The following PACS2 variants were observed in gnomAD, a reference collection of about 807,000 sequenced individuals.
PACS2 encodes the protein phosphofurin acidic cluster sorting protein 2.
In PACS2, 36 loss-of-function variants were observed where a neutral mutation model predicts 113.0. That is an observed-to-expected ratio of 0.32 (90% CI 0.24 to 0.42). The LOEUF (loss-of-function observed/expected upper bound fraction) is 0.42. PACS2 is among the 10% of genes least tolerant of loss of function. The pLI is 1.00. For synonymous variants in PACS2, 589 were observed against 536.1 expected, an observed-to-expected ratio of 1.10 and a Z score of -1.36; for missense variants, 1,015 against 1,239.5, an observed-to-expected ratio of 0.82 and a Z score of 2.72.
In PACS2 at chr14:105,366,343, G is replaced by A. The variant is rs587756012; in HGVS notation, c.424-870G>A. Among the ~76,000 whole-genome samples the A allele has an allele frequency of 1.7e-4, 26 of 152,268 alleles. No homozygotes were observed. The highest frequency in any genetic ancestry group is 5.3e-4 in the African/African-American group (22 of 41,564). ...AGCCTGGGCCACAGAATGAGACTCCGTCTCAAAAAAGTAATAAATAAATAA... is the reference window on the plus strand; with the variant it reads ...AGCCTGGGCCACAGAATGAGACTCCATCTCAAAAAAGTAATAAATAAATAA... On this transcript the variant is annotated intron_variant, in intron 4 of 24. Transcript: ENST00000447393. The surrounding 1 kb of genome is among the most constrained non-coding windows in gnomAD (Gnocchi z 4.3).
intron 13 of PACS2, 42 bp from the exon 14 acceptor site, chr14:105,382,435 T>C: frequency 8.4e-7 from 1 of 1,190,130 alleles, no homozygotes; most frequent in South Asian, 1.2e-5. Flanking sequence ...GGATGGGCGC[T>C]GTGCTTCTCT....
At chr14:105,351,748 G>A (rs1555404013) in intron 2 of PACS2, among the ~76,000 whole-genome samples, 1 of 152,226 alleles carries the variant, frequency 6.6e-6, no homozygotes, top group African/African-American at 2.4e-5. Flanking sequence ...GGGAGGCTGA[G>A]GCTGGAGGAT....
rs2081426252 is a variant in PACS2 at position 105,393,355 on chromosome 14, G to A, written c.2596+20G>A. ...TGCGGGGTGAGCACCACCGGCCCCG[G>A]GGTCTGTAGAGTGGGACGTAGGTGA... On this transcript the variant is annotated intron_variant, in intron 24 of 24. Coordinates refer to ENST00000447393, the MANE Select transcript of PACS2 (RefSeq NM_001100913.3). 6.4e-7 allele frequency: 1 copy of A among 1,563,428 alleles called. No homozygotes were observed. The highest frequency in any genetic ancestry group is 1.7e-5 in the Admixed American group (1 of 59,216).
rs989025926 is a variant in PACS2 at position 105,324,939 on chromosome 14, G to A, written c.119+9902G>A. ...CAAGGGAAGACACTGGGGAAGGGGT[G>A]GGTCTGCCCTTCCTGCTGGGGGTGC... is the stretch of plus-strand genomic sequence containing the variant. On this transcript the variant is annotated intron_variant, in intron 1 of 24. Transcript: ENST00000447393. This position sits in a 1 kb window ranked among gnomAD's most constrained non-coding sequence, Gnocchi z 4.7. Among the ~76,000 whole-genome samples, 1 of 152,104 alleles carries A rather than the reference G, an allele frequency of 6.6e-6. No homozygotes were observed. The highest frequency in any genetic ancestry group is 1.5e-5 in the Non-Finnish European group (1 of 68,002).
At chr14:105,389,846 C>G (rs1595181405) in intron 19 of PACS2, 115 bp from the exon 20 acceptor site, 1 of 928,466 alleles carries the variant, frequency 1.1e-6, no homozygotes, top group East Asian at 2.4e-5. Flanking sequence ...GCAGGGCCAT[C>G]CGGCAGGGCC....
At chr14:105,353,935 G>A (rs1384522206) in intron 3 of PACS2, among the ~76,000 whole-genome samples, 2 of 151,930 alleles carry the variant, frequency 1.3e-5, no homozygotes, top group African/African-American at 4.8e-5. Context: ...TATAAGGCCG[G>A]GTGTGGTGGC....
intron 4 of PACS2, among the ~76,000 whole-genome samples, chr14:105,361,970 C>A (rs181079974): frequency 4.0e-5 from 6 of 150,292 alleles, no homozygotes; most frequent in African/African-American, 1.5e-4. Flanking sequence ...ACAAAAAAAA[C>A]GAATTAGTGG....
At chr14:105,327,786 C>T (rs1041694014) in intron 1 of PACS2, among the ~76,000 whole-genome samples, 21 of 152,144 alleles carry the variant, frequency 1.4e-4, no homozygotes, top group African/African-American at 4.6e-4. Context: ...CATTGACAGC[C>T]GAGCCTTGAC....
At chr14:105,382,642 T>C in intron 14 of PACS2, 61 bp downstream of exon 14, 1 of 1,139,518 alleles carries the variant, frequency 8.8e-7, no homozygotes, top group South Asian at 1.2e-5. Flanking sequence ...AGTGGGTTCC[T>C]GAAGCTGCCC....
intron 5 of PACS2, 109 bp downstream of exon 5, chr14:105,367,484 G>A: frequency 1.8e-6 from 2 of 1,099,398 alleles, no homozygotes; most frequent in Admixed American, 1.8e-5. Context: ...GGAGTTGGGG[G>A]TCCGGAGCAC....
intron 5 of PACS2, 122 bp downstream of exon 5, chr14:105,367,497 G>A (rs2060980327): frequency 2.1e-6 from 2 of 943,188 alleles, no homozygotes; most frequent in Non-Finnish European, 3.3e-6. Flanking sequence ...CGGAGCACGT[G>A]TCAGTTGCTC....
At chr14:105,393,176 C>G (rs1555415463) in intron 23 of PACS2, 46 bp from the exon 24 acceptor site, 1 of 1,482,448 alleles carries the variant, frequency 6.7e-7, no homozygotes, top group Non-Finnish European at 9.4e-7. Flanking sequence ...GGCCCCAGCC[C>G]CGAAGGAGCA....
At chr14:105,334,168 T>G (rs767326728) in intron 1 of PACS2, among the ~76,000 whole-genome samples, 9 of 152,192 alleles carry the variant, frequency 5.9e-5, no homozygotes, top group Non-Finnish European at 2.9e-5. Context: ...AGCTGCATCC[T>G]CCTGCGTTGG....
intron 8 of PACS2, 26 bp downstream of exon 8, chr14:105,369,926 C>A (rs150534967): frequency 4.4e-6 from 7 of 1,583,418 alleles, no homozygotes; most frequent in Non-Finnish European, 6.0e-6. Context: ...CTTCTGCTCG[C>A]GGCCCCCACG....
At chr14:105,353,553 T>C (rs1473225738) in intron 3 of PACS2, among the ~76,000 whole-genome samples, 1 of 152,220 alleles carries the variant, frequency 6.6e-6, no homozygotes, top group East Asian at 1.9e-4. Flanking sequence ...GATTAGAAGA[T>C]TTGTATTTGT....
chr14:105,339,560 GTGGCTCATGCCTGCAATCCTAGCA>G (rs2059649051), intron 1 of PACS2, among the ~76,000 whole-genome samples: 1 of 151,718 alleles, frequency 6.6e-6, no homozygotes, highest in Admixed American at 6.6e-5. Flanking sequence ...GCCAGGTGTG[GTGGCTCATGCCTGCAATCCTAGCA>G]CTTTGGGAGG....
At chr14:105,301,313 C>A (rs587596981) in intron 1 of PACS2, 2 of 135,168 alleles carry the variant, frequency 1.5e-5, no homozygotes, top group African/African-American at 5.7e-5. Flanking sequence ...GGATGCGGGG[C>A]TGAGGGTGGG....
chr14:105,325,566 G>A (rs986383912), intron 1 of PACS2, among the ~76,000 whole-genome samples: 2 of 152,238 alleles, frequency 1.3e-5, no homozygotes, highest in African/African-American at 2.4e-5. Context: ...CGCACAGGCA[G>A]CTCAGCTCAG....
chr14:105,393,201 G>A (rs376443527), intron 23 of PACS2, 21 bp from the exon 24 acceptor site: 6 of 1,573,672 alleles, frequency 3.8e-6, no homozygotes, highest in Non-Finnish European at 5.2e-6. Flanking sequence ...GATGACAGCA[G>A]GGCCTCTTTT....
Sources: allele counts gnomAD v4.1 joint callset (sites outside exome capture counted in the v4.1 genomes callset), GRCh38; gene constraint gnomAD v4.1.1; non-coding constraint Gnocchi (gnomAD v3.1); transcripts MANE v1.5; gene names NCBI Gene and HGNC (gene_info 2026-07-23, HGNC 2026-07-21).